The following SNX30 variants were observed in gnomAD, a reference collection of about 807,000 sequenced individuals.
SNX30 encodes the protein sorting nexin-30.
Under a neutral mutation model 46.4 loss-of-function variants are expected in SNX30, and 24 were observed. That is an observed-to-expected ratio of 0.52 (90% CI 0.37 to 0.73). The LOEUF (loss-of-function observed/expected upper bound fraction) is 0.73. SNX30 is among the 30% of genes least tolerant of loss of function. SNX30 has a pLI of 0.00. For synonymous variants in SNX30, 189 were observed against 211.5 expected, an observed-to-expected ratio of 0.89 and a Z score of 0.92; for missense variants, 533 against 555.7, an observed-to-expected ratio of 0.96 and a Z score of 0.41.
At chr9:112,812,583 C>T (rs529974084) in intron 2 of SNX30, among the ~76,000 whole-genome samples, 21 of 152,168 alleles carry the variant, frequency 1.4e-4, no homozygotes, top group African/African-American at 2.4e-5. Context: ...TAACTTCTTA[C>T]GTTATTGCTT....
intron 7 of SNX30, among the ~76,000 whole-genome samples, chr9:112,855,117 G>A (rs1303858641): frequency 6.6e-6 from 1 of 152,202 alleles, no homozygotes; most frequent in East Asian, 1.9e-4. Flanking sequence ...AGCCCATCAG[G>A]AGGTTTGGTG....
At chr9:112,836,532 TTATCAAAGAAA>T in intron 5 of SNX30, 123 bp downstream of exon 5, 1 of 1,072,954 alleles carries the variant, frequency 9.3e-7, no homozygotes. Flanking sequence ...CATCTTTTGC[TTATCAAAGAAA>T]TACAAGGAGG....
chr9:112,830,089 G>A (rs922646081), intron 3 of SNX30, among the ~76,000 whole-genome samples: 1 of 152,136 alleles, frequency 6.6e-6, no homozygotes. Context: ...AGATCCCTTG[G>A]TAGGCAGGTA....
chr9:112,776,312 T>A (rs563794579), intron 1 of SNX30, among the ~76,000 whole-genome samples: 15 of 152,344 alleles, frequency 9.8e-5, no homozygotes, highest in Admixed American at 9.1e-4. Context: ...TGGTTTGATG[T>A]TCTATATGAT....
chr9:112,822,539 TTG>T (rs1491589346), intron 3 of SNX30, among the ~76,000 whole-genome samples: 3,005 of 122,752 alleles, frequency 0.024, 170 homozygotes, highest in African/African-American at 0.073. Flanking sequence ...CTGTTTTGTT[TTG>T]TTTTTTTTTT....
intron 3 of SNX30, among the ~76,000 whole-genome samples, chr9:112,824,842 T>C (rs1840557534): frequency 6.6e-6 from 1 of 152,212 alleles, no homozygotes; most frequent in Non-Finnish European, 1.5e-5. Flanking sequence ...TTTTAACCAT[T>C]CTGAAGTGTC....
At chr9:112,880,283 A>G (rs1460294328) in exon 5 of SNX30, 1 of 134,760 alleles carries the variant, frequency 7.4e-6, no homozygotes, top group Non-Finnish European at 1.5e-5. Flanking sequence ...GTGAGCCAAG[A>G]TTGCGCCATT....
chr9:112,787,858 G>A (rs532213065), intron 1 of SNX30, among the ~76,000 whole-genome samples: 4 of 151,478 alleles, frequency 2.6e-5, no homozygotes, highest in South Asian at 4.2e-4. Flanking sequence ...GTACAGTGGC[G>A]CGATCTTGGC....
At chr9:112,780,628 A>G (rs1254972049) in intron 1 of SNX30, among the ~76,000 whole-genome samples, 1 of 152,282 alleles carries the variant, frequency 6.6e-6, no homozygotes, top group Admixed American at 6.5e-5. Flanking sequence ...TAGCGCCATC[A>G]TGCATAGAAT....
In SNX30 at chr9:112,871,642, C is replaced by G. The variant is rs931037333; in HGVS notation, c.*2799C>G. Reference sequence around the variant, plus strand: ...GAATACATGGCAGTGGAATACAAGGCCCTCCCTAGCAGCCGCCCCAGGCCT... The same window carrying G: ...GAATACATGGCAGTGGAATACAAGGGCCTCCCTAGCAGCCGCCCCAGGCCT... On this transcript the variant is annotated 3_prime_UTR_variant, in exon 9 of 9. Transcript: ENST00000374232. 6.6e-6 allele frequency: 1 copy of G among 152,018 alleles called. No homozygotes were observed. Among genetic ancestry groups the G allele is most frequent in the Non-Finnish European group, 1.5e-5 (1 of 68,008 alleles). 9.4% of individuals were successfully genotyped at this position (152,018 alleles called of 1,614,324 possible).
intron 1 of SNX30, among the ~76,000 whole-genome samples, chr9:112,763,512 A>G (rs534594412): frequency 4.0e-5 from 6 of 151,388 alleles, no homozygotes; most frequent in Non-Finnish European, 5.9e-5. Context: ...GTGAGCCACT[A>G]TACCTGGCCC....
chr9:112,781,287 G>A lies in SNX30; in HGVS notation c.157-23489G>A, dbSNP rs150218841. 1.2e-3 allele frequency among the ~76,000 whole-genome samples: 180 copies of A among 152,264 alleles called. 1 individual carries two copies. Among genetic ancestry groups the A allele is most frequent in the African/African-American group, 4.1e-3 (171 of 41,544 alleles). On this transcript the variant is annotated intron_variant, in intron 1 of 8. Transcript: ENST00000374232. ...TTTACATAATTTGTTCATTTTTGTA[G>A]TGGAATCTGCCTTTTAAATACTGAT... is the stretch of plus-strand genomic sequence containing the variant.
chr9:112,878,560 C>T (rs754268673), downstream of SNX30: 2 of 152,222 alleles, frequency 1.3e-5, no homozygotes, highest in Non-Finnish European at 2.9e-5. Context: ...TCATCTTTCC[C>T]ATCCCATCTG....
At chr9:112,831,470 G>A (rs1021057080) in intron 4 of SNX30, among the ~76,000 whole-genome samples, 2 of 152,200 alleles carry the variant, frequency 1.3e-5, no homozygotes, top group Non-Finnish European at 2.9e-5. Context: ...GGAACAGAAG[G>A]AACATTTGAG....
intron 1 of SNX30, among the ~76,000 whole-genome samples, chr9:112,751,496 C>A (rs780548451): frequency 6.6e-6 from 1 of 152,230 alleles, no homozygotes; most frequent in Admixed American, 6.5e-5. Context: ...CAGGTGCATC[C>A]CTGCAGGCTG....
chr9:112,764,029 T>G (rs1025481003), intron 1 of SNX30, among the ~76,000 whole-genome samples: 2 of 152,104 alleles, frequency 1.3e-5, no homozygotes, highest in Non-Finnish European at 2.9e-5. Flanking sequence ...CTTTCGAGTC[T>G]CCTTTGTCAT....
intron 1 of SNX30, among the ~76,000 whole-genome samples, chr9:112,795,793 A>G (rs907601572): frequency 6.6e-6 from 1 of 151,254 alleles, no homozygotes; most frequent in South Asian, 2.1e-4. Flanking sequence ...ACACACACAC[A>G]CACGCACACA....
intron 5 of SNX30, among the ~76,000 whole-genome samples, chr9:112,838,246 A>G (rs1840795492): frequency 6.6e-6 from 1 of 152,084 alleles, no homozygotes; most frequent in Non-Finnish European, 1.5e-5. Flanking sequence ...TTTTCCCCAT[A>G]AGGCCCATTA....
At chr9:112,857,116 C>T (rs892460729) in intron 7 of SNX30, among the ~76,000 whole-genome samples, 3 of 152,186 alleles carry the variant, frequency 2.0e-5, no homozygotes, top group Admixed American at 6.5e-5. Context: ...ACGGAGAGTG[C>T]GTGTGGCCTT....
Sources: allele counts gnomAD v4.1 joint callset (sites outside exome capture counted in the v4.1 genomes callset), GRCh38; gene constraint gnomAD v4.1.1; transcripts MANE v1.5; gene names NCBI Gene and HGNC (gene_info 2026-07-23, HGNC 2026-07-21).